Variants in CDC25A observed in about 807,000 individuals in gnomAD.
The protein encoded by CDC25A is cell division cycle 25A.
A neutral mutation model predicts 64.6 loss-of-function variants in CDC25A; 17 were observed. That is an observed-to-expected ratio of 0.26 (90% CI 0.18 to 0.39). The LOEUF (loss-of-function observed/expected upper bound fraction) is 0.39, where lower values mean the gene tolerates loss of function less well. Among genes scored for constraint, CDC25A ranks in the 10% least tolerant of loss-of-function variants. The pLI, the probability that CDC25A is intolerant of heterozygous loss-of-function variation, is 1.00. For synonymous variants in CDC25A, 229 were observed against 238.6 expected (o/e 0.96, Z 0.37); for missense variants, 473 against 654.8 (o/e 0.72, Z 3.03).
chr3:48,188,096 C>T lies in CDC25A; in HGVS notation c.-149G>A. 1.6e-6 allele frequency: 1 copy of T among 614,568 alleles called. No homozygotes were observed. Among genetic ancestry groups the T allele is most frequent in the South Asian group, 7.7e-5 (1 of 13,006 alleles). 38.1% of individuals were successfully genotyped at this position (614,568 alleles called of 1,614,324 possible). On this transcript the variant is annotated 5_prime_UTR_variant, in exon 1 of 15. Coordinates refer to ENST00000302506, the MANE Select transcript of CDC25A (RefSeq NM_001789.3). Reference sequence around the variant, plus strand: ...ACTCCGCGGTTCAGGGACGCGGCTGCCGCGGGCAAGCGGCGCGGCCGGGCG... The same window carrying T: ...ACTCCGCGGTTCAGGGACGCGGCTGTCGCGGGCAAGCGGCGCGGCCGGGCG...
chr3:48,184,287 G>A (rs2032770941), intron 3 of CDC25A, among the ~76,000 whole-genome samples: 1 of 152,060 alleles, frequency 6.6e-6, no homozygotes, highest in Non-Finnish European at 1.5e-5. Flanking sequence ...AGTTGAACCT[G>A]GGAGGTGGAG....
At chr3:48,161,612 G>C (rs998028871) in intron 13 of CDC25A, among the ~76,000 whole-genome samples, 1 of 152,100 alleles carries the variant, frequency 6.6e-6, no homozygotes, top group African/African-American at 2.4e-5. Flanking sequence ...GGGAGGCTGA[G>C]GTGGGAGAAT....
chr3:48,175,514 A>AG (rs2032424246), intron 8 of CDC25A, among the ~76,000 whole-genome samples: 3 of 152,292 alleles, frequency 2.0e-5, no homozygotes, highest in African/African-American at 7.2e-5. Flanking sequence ...ACTTCTTTGA[A>AG]ATCTTCCTGA....
intron 10 of CDC25A, among the ~76,000 whole-genome samples, 186 bp from the exon 11 acceptor site, chr3:48,166,079 G>C (rs553423193): frequency 1.3e-5 from 2 of 152,310 alleles, no homozygotes; most frequent in East Asian, 3.9e-4. Context: ...GAGGTCAGGA[G>C]TTCGAGACAA....
At chr3:48,161,772 A>G (rs1430131318) in intron 13 of CDC25A, among the ~76,000 whole-genome samples, 1 of 151,994 alleles carries the variant, frequency 6.6e-6, no homozygotes, top group East Asian at 1.9e-4. Flanking sequence ...ATGTGTGTGT[A>G]TGTGTGTCCA....
chr3:48,182,675 TCTTA>T (rs1401062957), intron 5 of CDC25A, among the ~76,000 whole-genome samples: 1 of 152,226 alleles, frequency 6.6e-6, no homozygotes, highest in African/African-American at 2.4e-5. Flanking sequence ...TCATACATAA[TCTTA>T]CTTATTGCCA....
At chr3:48,160,014 G>C (rs1490501861) in intron 13 of CDC25A, among the ~76,000 whole-genome samples, 2 of 152,092 alleles carry the variant, frequency 1.3e-5, no homozygotes, top group African/African-American at 4.8e-5. Flanking sequence ...GGCCCCTACT[G>C]CTGCTCTGCC....
At chr3:48,166,675 G>C (rs2032037462) in intron 10 of CDC25A, among the ~76,000 whole-genome samples, 1 of 152,226 alleles carries the variant, frequency 6.6e-6, no homozygotes. Context: ...TAGGGTGACT[G>C]GCTGAGCCAA....
chr3:48,180,976 T>A, intron 5 of CDC25A, 136 bp from the exon 6 acceptor site: 1 of 707,756 alleles, frequency 1.4e-6, no homozygotes, highest in East Asian at 2.5e-5. Context: ...CAACAATAGA[T>A]CTGCGTAACT....
At chr3:48,187,757 C>T in intron 1 of CDC25A, 21 bp downstream of exon 1, 1 of 1,529,198 alleles carries the variant, frequency 6.5e-7, no homozygotes, top group Non-Finnish European at 8.8e-7. Flanking sequence ...CCCGGAGCAC[C>T]GCCCGCCGGT....
rs1435590428 is a variant in CDC25A at position 48,188,053 on chromosome 3, G to A, written c.-106C>T. 4.1e-6 allele frequency: 4 copies of A among 979,666 alleles called. No individual in the cohort carries two copies. The highest frequency in any genetic ancestry group is 4.0e-6 in the Non-Finnish European group (3 of 753,860). The allele number at this position is 979,666 out of a possible 1,614,324, so 60.7% of individuals were successfully genotyped here. ...TCGGCCGCGCGCCACCGGCGCCCGC[G>A]GGTCAAACACAAACACGACTCCGCG... On this transcript the variant is annotated 5_prime_UTR_variant, in exon 1 of 15. Transcript: ENST00000302506.
At chr3:48,173,626 G>A (rs1230254671) in intron 9 of CDC25A, among the ~76,000 whole-genome samples, 4 of 152,134 alleles carry the variant, frequency 2.6e-5, no homozygotes, top group Non-Finnish European at 5.9e-5. Flanking sequence ...ACCACCCCAC[G>A]GGGATGGAAT....
intron 4 of CDC25A, among the ~76,000 whole-genome samples, chr3:48,183,493 G>C (rs1332603472): frequency 6.6e-6 from 1 of 152,116 alleles, no homozygotes; most frequent in African/African-American, 2.4e-5. Context: ...CTGGGCAACA[G>C]AGTGAGACCC....
chr3:48,162,872 G>A (rs1356795893), intron 13 of CDC25A, among the ~76,000 whole-genome samples: 1 of 151,672 alleles, frequency 6.6e-6, no homozygotes, highest in Non-Finnish European at 1.5e-5. Flanking sequence ...GTTCAAAGGG[G>A]TGGGCACAGT....
intron 7 of CDC25A, 50 bp downstream of exon 7, chr3:48,177,804 G>A (rs2032517064): frequency 1.9e-6 from 3 of 1,603,148 alleles, no homozygotes; most frequent in South Asian, 1.1e-5. Flanking sequence ...CTTCTCCAGA[G>A]GTAATTAATT....
chr3:48,172,548 T>C (rs1008533559), intron 9 of CDC25A, among the ~76,000 whole-genome samples: 1 of 152,178 alleles, frequency 6.6e-6, no homozygotes, highest in Non-Finnish European at 1.5e-5. Context: ...CCATAGGACT[T>C]AGGCCCAGAC....
At chr3:48,183,974 A>C in intron 3 of CDC25A, 138 bp from the exon 4 acceptor site, 1 of 548,140 alleles carries the variant, frequency 1.8e-6, no homozygotes, top group Non-Finnish European at 3.3e-6. Flanking sequence ...GGGAGAATAA[A>C]TTTCTGAAGC....
At chr3:48,174,158 C>T (rs1575267024) in intron 9 of CDC25A, 126 bp downstream of exon 9, 1 of 849,798 alleles carries the variant, frequency 1.2e-6, no homozygotes, top group Non-Finnish European at 1.8e-6. Flanking sequence ...CACCCACACA[C>T]ACACACAACC....
chr3:48,169,733 C>A (rs1193217783), intron 9 of CDC25A, among the ~76,000 whole-genome samples: 4 of 152,176 alleles, frequency 2.6e-5, no homozygotes, highest in African/African-American at 4.8e-5. Flanking sequence ...CTCTGCCGGG[C>A]GTGGTGGCTC....
Sources: gnomAD v4.1 joint callset for allele counts (sites outside exome capture counted in the v4.1 genomes callset) on GRCh38, gnomAD v4.1.1 for gene constraint, MANE v1.5 for transcripts, NCBI Gene and HGNC (gene_info 2026-07-23, HGNC 2026-07-21) for gene names.